DLG1: variants seen among roughly 807,000 people sequenced by gnomAD.
DLG1 encodes the protein discs large MAGUK scaffold protein 1, also known as disks large homolog 1.
DLG1 carries 42 observed loss-of-function variants against 123.4 expected under a neutral mutation model. The ratio of observed to expected loss-of-function variants is 0.34; its 90% CI spans 0.27 to 0.44. The LOEUF is 0.44. Ranked by LOEUF, DLG1 falls within the 20% of genes least tolerant of loss-of-function variation. The probability of loss-of-function intolerance (pLI) is 1.00; values close to 1 mark genes in which losing one functional copy is unlikely to be tolerated. For missense variants in DLG1, 942 were observed against 1,082.6 expected (o/e 0.87, Z 1.82); for synonymous variants, 317 against 356.2 (o/e 0.89, Z 1.24).
chr3:197,059,813 G>A, intron 23 of DLG1, 76 bp downstream of exon 23: 1 of 901,616 alleles, frequency 1.1e-6, no homozygotes, highest in Non-Finnish European at 1.8e-6. Flanking sequence ...AAACTGAGAT[G>A]CAGGGAGAGT....
At chr3:197,189,782 G>C (rs1308707908) in intron 5 of DLG1, among the ~76,000 whole-genome samples, 1 of 152,130 alleles carries the variant, frequency 6.6e-6, no homozygotes, top group African/African-American at 2.4e-5. Flanking sequence ...GTACTTTCTT[G>C]ATCTTAACAA....
chr3:197,112,731 C>T lies in DLG1; in HGVS notation c.1443+3196G>A, dbSNP rs1158142217. 6.6e-5 allele frequency among the ~76,000 whole-genome samples: 10 copies of T among 152,014 alleles called. 1 individual carries two copies. Among genetic ancestry groups the T allele is most frequent in the Admixed American group, 6.5e-4 (10 of 15,270 alleles). ...TTAGCCTCCCAAGTTGCTGGGACTA[C>T]AAGTGCCCACTACTATGTCTGGCTA... On this transcript the variant is annotated intron_variant, in intron 13 of 24. Transcript: ENST00000667157.
chr3:197,194,835 CA>C (rs1468436407), intron 4 of DLG1, among the ~76,000 whole-genome samples: 2 of 152,088 alleles, frequency 1.3e-5, no homozygotes, highest in African/African-American at 4.8e-5. Context: ...ATTGATTGCT[CA>C]TTTCTTACCC....
intron 10 of DLG1, among the ~76,000 whole-genome samples, chr3:197,133,106 C>T (rs1783483098): frequency 6.6e-6 from 1 of 152,176 alleles, no homozygotes; most frequent in African/African-American, 2.4e-5. Flanking sequence ...GTATTCACAC[C>T]CTTGTAAAAA....
chr3:197,216,376 G>A (rs1182107326), intron 4 of DLG1, among the ~76,000 whole-genome samples: 1 of 152,120 alleles, frequency 6.6e-6, no homozygotes, highest in Non-Finnish European at 1.5e-5. Flanking sequence ...TTATGAGAGT[G>A]AGTCATATTC....
In DLG1 at chr3:197,085,772, A is replaced by T. The variant is rs1037606433; in HGVS notation, c.1662-16T>A. On this transcript the variant is annotated splice_polypyrimidine_tract_variant and intron_variant, in intron 15 of 24. Transcript: ENST00000667157. The stretch of plus-strand genomic sequence containing the variant: ...AAAAAGGGCTCTAGAGTCAGAAGAA[A>T]AAAAGTCCATAATCACTTGTTATAA... 7 of 1,603,242 alleles carry T rather than the reference A, an allele frequency of 4.4e-6. No individual in the cohort carries two copies. Among genetic ancestry groups the T allele is most frequent in the African/African-American group, 1.4e-5 (1 of 74,014 alleles).
chr3:197,263,752 A>G (rs1760539425), intron 4 of DLG1, among the ~76,000 whole-genome samples: 1 of 152,150 alleles, frequency 6.6e-6, no homozygotes, highest in Non-Finnish European at 1.5e-5. Flanking sequence ...TCACCACTGC[A>G]CTCCAGGCTG....
At chr3:197,274,837 T>C (rs1242224974) in intron 4 of DLG1, among the ~76,000 whole-genome samples, 3 of 152,220 alleles carry the variant, frequency 2.0e-5, no homozygotes, top group Admixed American at 6.5e-5. Context: ...AAATGGTTAA[T>C]TGGTATATGA....
chr3:197,060,054 T>C (rs1452173933), intron 22 of DLG1, 56 bp from the exon 23 acceptor site: 8 of 1,275,078 alleles, frequency 6.3e-6, no homozygotes, highest in Non-Finnish European at 9.0e-6. Context: ...CTCAATAATA[T>C]CAAAGGTACT....
intron 4 of DLG1, among the ~76,000 whole-genome samples, chr3:197,277,297 T>C (rs1766939237): frequency 6.6e-6 from 1 of 151,804 alleles, no homozygotes; most frequent in African/African-American, 2.4e-5. Context: ...TCTACTGAAA[T>C]GTCCCATTAA....
chr3:197,153,220 G>C (rs901282346), intron 5 of DLG1, among the ~76,000 whole-genome samples: 3 of 152,180 alleles, frequency 2.0e-5, no homozygotes, highest in Admixed American at 6.5e-5. Context: ...AGGTTAAAAT[G>C]ATTGTAAAAA....
chr3:197,051,092 G>A (rs1284779825), intron 24 of DLG1, among the ~76,000 whole-genome samples: 1 of 152,160 alleles, frequency 6.6e-6, no homozygotes, highest in African/African-American at 2.4e-5. Context: ...CAAGATTCCT[G>A]GCTGGGCAGG....
chr3:197,163,523 GA>G (rs999514247), intron 5 of DLG1, among the ~76,000 whole-genome samples: 3 of 149,626 alleles, frequency 2.0e-5, no homozygotes, highest in Middle Eastern at 3.4e-3. Flanking sequence ...CAATGGGTAT[GA>G]TTTTTTTTTT....
rs1461762984 is a variant in DLG1, at chr3:197,298,611, G to A, written c.-107C>T. The A allele has an allele frequency of 3.3e-6, 1 of 299,690 alleles. No homozygotes were observed. The highest frequency in any genetic ancestry group is 6.1e-6 in the Non-Finnish European group (1 of 163,374). The allele number at this position is 299,690 out of a possible 1,614,324, so 18.6% of individuals were successfully genotyped here. A position where few individuals can be genotyped will look rare whatever the true frequency, so the allele number is the denominator to read the frequency against. ...GAGACAGCGCCTGGCGACCCCGGGG[G>A]TAGATCCCCACCGGGGAAAAGCCGC... On this transcript the variant is annotated 5_prime_UTR_variant, in exon 1 of 25. Transcript: ENST00000667157.
intron 12 of DLG1, among the ~76,000 whole-genome samples, chr3:197,118,023 T>A (rs1774261823): frequency 6.6e-6 from 1 of 152,052 alleles, no homozygotes; most frequent in African/African-American, 2.4e-5. Flanking sequence ...CTGCTTAAAG[T>A]CAAATTGTGA....
intron 13 of DLG1, among the ~76,000 whole-genome samples, chr3:197,113,925 A>G (rs1771561721): frequency 6.6e-6 from 1 of 152,152 alleles, no homozygotes; most frequent in South Asian, 2.1e-4. Flanking sequence ...TGAGGCTATA[A>G]TAGTGCTCTA....
chr3:197,219,884 T>A (rs1736065314), intron 4 of DLG1, among the ~76,000 whole-genome samples: 2 of 152,168 alleles, frequency 1.3e-5, no homozygotes, highest in South Asian at 4.1e-4. Context: ...AGCTTGGACT[T>A]TCAGCCTCCA....
At chr3:197,107,426 T>C (rs1767120327) in intron 13 of DLG1, among the ~76,000 whole-genome samples, 1 of 152,048 alleles carries the variant, frequency 6.6e-6, no homozygotes, top group African/African-American at 2.4e-5. Flanking sequence ...GCACCTGTAG[T>C]CCCAGCTACT....
intron 12 of DLG1, among the ~76,000 whole-genome samples, chr3:197,118,875 A>G (rs955433061): frequency 9.9e-5 from 15 of 152,156 alleles, no homozygotes; most frequent in African/African-American, 3.4e-4. Flanking sequence ...AAAGGGGATC[A>G]CGCCTGTAAT....
Sources: gnomAD v4.1 joint callset for allele counts (sites outside exome capture counted in the v4.1 genomes callset) on GRCh38, gnomAD v4.1.1 for gene constraint, MANE v1.5 for transcripts, NCBI Gene and HGNC (gene_info 2026-07-23, HGNC 2026-07-21) for gene names.